TRPM3: variants seen among roughly 807,000 people sequenced by gnomAD.
TRPM3 encodes transient receptor potential cation channel subfamily M member 3.
TRPM3 carries 77 observed loss-of-function variants against 181.2 expected under a neutral mutation model. The observed-to-expected ratio is 0.42, with a 90% CI of 0.35 to 0.51. The LOEUF (loss-of-function observed/expected upper bound fraction) is 0.51, where lower values mean the gene tolerates loss of function less well. Ranked by LOEUF, TRPM3 falls within the 20% of genes least tolerant of loss-of-function variation. The probability of loss-of-function intolerance (pLI) is 0.01; values close to 1 mark genes in which losing one functional copy is unlikely to be tolerated. For synonymous variants in TRPM3, 745 were observed against 796.4 expected, an observed-to-expected ratio of 0.94 and a Z score of 1.09; for missense variants, 1,759 against 2,196.7, an observed-to-expected ratio of 0.80 and a Z score of 3.98.
At chr9:71,301,893 A>G (rs907923799) in intron 1 of TRPM3, among the ~76,000 whole-genome samples, 5 of 152,076 alleles carry the variant, frequency 3.3e-5, no homozygotes, top group Admixed American at 6.6e-5. Context: ...ATTCCTTTCT[A>G]TTTCTGTGGA....
intron 3 of TRPM3, among the ~76,000 whole-genome samples, chr9:70,850,265 A>G (rs1302820423): frequency 6.6e-6 from 1 of 152,166 alleles, no homozygotes; most frequent in East Asian, 1.9e-4. Context: ...ATTTTCACCA[A>G]TGTGTACTTT....
chr9:71,387,924 A>C (rs2092965180), intron 1 of TRPM3, among the ~76,000 whole-genome samples: 1 of 152,194 alleles, frequency 6.6e-6, no homozygotes, highest in Admixed American at 6.6e-5. Flanking sequence ...CTACTCAATC[A>C]TATATTGTGC....
At chr9:70,763,366 T>C (rs542928554) in intron 7 of TRPM3, among the ~76,000 whole-genome samples, 15 of 152,146 alleles carry the variant, frequency 9.9e-5, no homozygotes, top group African/African-American at 3.4e-4. Flanking sequence ...AAAAAGTTAG[T>C]TGGGCATGGT....
At chr9:70,954,219 T>C (rs1026595945) in intron 1 of TRPM3, among the ~76,000 whole-genome samples, 3 of 152,182 alleles carry the variant, frequency 2.0e-5, no homozygotes, top group African/African-American at 7.2e-5. Context: ...TCCCTCTTCC[T>C]TCCCTGTTCA....
intron 8 of TRPM3, among the ~76,000 whole-genome samples, chr9:70,759,531 C>G (rs1403990577): frequency 2.0e-5 from 3 of 152,154 alleles, no homozygotes; most frequent in Non-Finnish European, 4.4e-5. Flanking sequence ...GACACTTGCA[C>G]AAGTATTTTT....
chr9:71,127,781 G>C (rs2074135548), intron 1 of TRPM3, among the ~76,000 whole-genome samples: 1 of 152,216 alleles, frequency 6.6e-6, no homozygotes, highest in South Asian at 2.1e-4. Flanking sequence ...CGAATGGCCT[G>C]AAGGTAAACC....
intron 1 of TRPM3, among the ~76,000 whole-genome samples, chr9:71,297,546 C>T (rs1028435007): frequency 3.9e-5 from 6 of 151,996 alleles, no homozygotes; most frequent in Admixed American, 6.6e-5. Flanking sequence ...AGAATGAGAT[C>T]GGAATGAAGG....
At chr9:71,326,713 A>G (rs1293598071) in intron 1 of TRPM3, among the ~76,000 whole-genome samples, 1 of 152,204 alleles carries the variant, frequency 6.6e-6, no homozygotes, top group Non-Finnish European at 1.5e-5. Context: ...TTTGTGTCAG[A>G]GAAGATAAAC....
intron 1 of TRPM3, among the ~76,000 whole-genome samples, chr9:71,173,493 C>T (rs893580709): frequency 2.0e-5 from 3 of 152,236 alleles, no homozygotes; most frequent in Admixed American, 6.5e-5. Flanking sequence ...TATTTGGTGG[C>T]GATGAAAGAA....
In TRPM3 at chr9:70,880,217, C is replaced by T. The variant is rs1307380444; in HGVS notation, c.178-15706G>A. ...TTGTAGGGGTACAGAACATTTTTTT[C>T]TTAATGTCAGTAGATATCATTATTT... is the stretch of plus-strand genomic sequence containing the variant. On this transcript the variant is annotated intron_variant, in intron 1 of 25. Coordinates refer to ENST00000677713, the MANE Select transcript of TRPM3 (RefSeq NM_001366145.2). Among the ~76,000 whole-genome samples, 5 of 152,108 alleles carry T rather than the reference C, an allele frequency of 3.3e-5. No individual in the cohort carries two copies. In the South Asian group the frequency reaches 6.2e-4, roughly 19 times the overall value.
intron 1 of TRPM3, among the ~76,000 whole-genome samples, chr9:70,966,568 A>G (rs147344093): frequency 0.023 from 3,478 of 152,278 alleles, 99 homozygotes; most frequent in East Asian, 0.11. Context: ...GCCATAAAAA[A>G]GAATGAGATC....
chr9:70,616,198 ATG>A, intron 17 of TRPM3, 123 bp from the exon 18 acceptor site: 1 of 583,904 alleles, frequency 1.7e-6, no homozygotes. Flanking sequence ...GTGTGTACAC[ATG>A]CACACACAGT....
intron 1 of TRPM3, among the ~76,000 whole-genome samples, chr9:70,962,078 C>G (rs1056618784): frequency 2.6e-5 from 4 of 152,112 alleles, no homozygotes; most frequent in African/African-American, 9.7e-5. Context: ...CTCAAAGACA[C>G]TTTCCCAGGT....
Position 70,619,063 on chromosome 9 carries a change from T to C in TRPM3, c.2162A>G (p.Asp721Gly). 6.2e-7 allele frequency: 1 copy of C among 1,613,846 alleles called. No homozygotes were observed. Among genetic ancestry groups the C allele is most frequent in the Non-Finnish European group, 8.5e-7 (1 of 1,179,858 alleles). The change falls in exon 17 of 26, where the codon GAC (aspartate) becomes GGC (glycine). Residue 721 changes from aspartate to glycine, a missense_variant. This residue lies in a region of TRPM3 where 737 missense variants were observed against 957.4 expected (regional missense o/e 0.77). Transcript: ENST00000677713. ...CTGTTCGTCCTGCTTGTAGGACTGG[T>C]CCAGGAGCTCCACAGCCAGCTGGCC... ...DFGQLAVELLDQSYKQDEQLA... is the reference protein window; with the variant it reads ...DFGQLAVELLGQSYKQDEQLA...
At chr9:70,583,683 C>A (rs2056501362) in intron 22 of TRPM3, among the ~76,000 whole-genome samples, 1 of 152,200 alleles carries the variant, frequency 6.6e-6, no homozygotes. Flanking sequence ...GATGGAGAAT[C>A]CTCTAGCCAT....
rs769710040 is a variant in TRPM3 at position 70,635,200 on chromosome 9, A to G, written c.1632+11T>C. The G allele has an allele frequency of 1.2e-6, 2 of 1,613,574 alleles. No individual in the cohort carries two copies. Among genetic ancestry groups the G allele is most frequent in the Non-Finnish European group, 1.7e-6 (2 of 1,179,620 alleles). On this transcript the variant is annotated intron_variant, in intron 12 of 25. Transcript: ENST00000677713. ...ACAGGGCCTCCGACCTGCAGTCGAG[A>G]GGGTTCTTACCTTTTTGACATCCCT...
At chr9:70,793,469 A>AAAAAAAAT (rs1491522415) in intron 6 of TRPM3, 2 of 123,200 alleles carry the variant, frequency 1.6e-5, no homozygotes, top group African/African-American at 6.0e-5. Flanking sequence ...AAAAAAAAAA[A>AAAAAAAAT]ATATATATAT....
At chr9:70,921,057 T>C (rs899040918) in intron 1 of TRPM3, among the ~76,000 whole-genome samples, 1 of 152,230 alleles carries the variant, frequency 6.6e-6, no homozygotes, top group Non-Finnish European at 1.5e-5. Context: ...AAATGTTTGA[T>C]TGCTCCCACT....
Position 70,536,150 on chromosome 9 carries a change from G to T in TRPM3, c.4963C>A (p.Pro1655Thr). The T allele has an allele frequency of 6.2e-7, 1 of 1,614,202 alleles. No homozygotes were observed. The highest frequency in any genetic ancestry group is 8.5e-7 in the Non-Finnish European group (1 of 1,180,032). Residue 1655 changes from proline to threonine, a missense_variant, in exon 26 of 26, where the codon CCA (proline) becomes ACA (threonine). This residue lies in a region of TRPM3 where 612 missense variants were observed against 590.0 expected (regional missense o/e 1.04). Transcript: ENST00000677713. ...ERANSYSAEE[P>T]SAPYAHTRKS... is the part of the protein sequence containing the mutation. Reference sequence around the variant, plus strand: ...CTGGTGTGTGCATATGGCGCACTTGGCTCCTCTGCCGAGTAGCTGTTGGCG... The same window carrying T: ...CTGGTGTGTGCATATGGCGCACTTGTCTCCTCTGCCGAGTAGCTGTTGGCG...
Sources: allele counts gnomAD v4.1 joint callset (sites outside exome capture counted in the v4.1 genomes callset), GRCh38; gene constraint gnomAD v4.1.1; regional missense constraint gnomAD v4.1.1; transcripts MANE v1.5; gene names NCBI Gene and HGNC (gene_info 2026-07-23, HGNC 2026-07-21).